The following EPC2 variants were observed in gnomAD, a reference collection of about 807,000 sequenced individuals.
EPC2 encodes the protein enhancer of polycomb homolog 2.
In EPC2, 14 loss-of-function variants were observed where a neutral mutation model predicts 92.1. That is an observed-to-expected ratio of 0.15 (90% CI 0.10 to 0.24). The LOEUF is 0.24. Ranked by LOEUF, EPC2 falls within the 10% of genes least tolerant of loss-of-function variation. The pLI, the probability that EPC2 is intolerant of heterozygous loss-of-function variation, is 1.00. For missense variants in EPC2, 755 were observed against 971.5 expected (o/e 0.78, Z 2.96); for synonymous variants, 340 against 334.7 (o/e 1.02, Z -0.17).
At chr2:148,785,266 A>C (rs1683843448) in intron 13 of EPC2, among the ~76,000 whole-genome samples, 1 of 152,076 alleles carries the variant, frequency 6.6e-6, no homozygotes, top group Non-Finnish European at 1.5e-5. Flanking sequence ...AAGAAAGAAA[A>C]GGACATCCAA....
At position 148,675,814 on chromosome 2, in the gene EPC2, T is replaced by A. The variant is rs150996485; in HGVS notation, c.154-14400T>A. 2.6e-4 allele frequency among the ~76,000 whole-genome samples: 39 copies of A among 152,320 alleles called. No individual in the cohort carries two copies. In the South Asian group the frequency reaches 7.0e-3, roughly 28 times the overall value. ...CTAATAAGCTTACATTATAAGGTGG[T>A]AGAGTATATAAGTATAGGCATTCAG... On this transcript the variant is annotated intron_variant, in intron 1 of 13. Transcript: ENST00000258484.
chr2:148,679,943 G>A (rs1681361061), intron 1 of EPC2, among the ~76,000 whole-genome samples: 1 of 152,092 alleles, frequency 6.6e-6, no homozygotes, highest in African/African-American at 2.4e-5. Flanking sequence ...CACTGCGCCT[G>A]GCAAAAGTTT....
At chr2:148,699,512 A>G (rs759097388) in intron 2 of EPC2, among the ~76,000 whole-genome samples, 5 of 152,196 alleles carry the variant, frequency 3.3e-5, no homozygotes, top group Non-Finnish European at 4.4e-5. Context: ...CAGAATGTCA[A>G]ATAGTTGGAA....
chr2:148,756,425 G>A (rs1683192527), intron 4 of EPC2, among the ~76,000 whole-genome samples: 2 of 152,186 alleles, frequency 1.3e-5, no homozygotes, highest in South Asian at 4.1e-4. Flanking sequence ...GCAAGCATTG[G>A]GTTATGCAAA....
intron 1 of EPC2, among the ~76,000 whole-genome samples, chr2:148,649,891 A>T (rs1397097622): frequency 6.6e-6 from 1 of 152,260 alleles, no homozygotes; most frequent in Non-Finnish European, 1.5e-5. Flanking sequence ...TTAAATTATT[A>T]AGAAGTGTAG....
chr2:148,735,083 G>A (rs964319691), intron 2 of EPC2, among the ~76,000 whole-genome samples: 9 of 151,728 alleles, frequency 5.9e-5, no homozygotes, highest in African/African-American at 2.2e-4. Flanking sequence ...ACATGTTTTT[G>A]CTTATATGAA....
intron 2 of EPC2, among the ~76,000 whole-genome samples, chr2:148,702,609 G>T (rs973052641): frequency 6.6e-6 from 1 of 152,192 alleles, no homozygotes; most frequent in Non-Finnish European, 1.5e-5. Context: ...CTAGTCTCCT[G>T]CAGTGAGAAC....
At chr2:148,682,358 T>G (rs1681416473) in intron 1 of EPC2, among the ~76,000 whole-genome samples, 2 of 152,206 alleles carry the variant, frequency 1.3e-5, no homozygotes, top group Admixed American at 1.3e-4. Context: ...AGCATTCCTA[T>G]TTCTCCACAT....
At chr2:148,779,955 A>G (rs1274498862) in intron 10 of EPC2, among the ~76,000 whole-genome samples, 1 of 152,192 alleles carries the variant, frequency 6.6e-6, no homozygotes, top group Non-Finnish European at 1.5e-5. Flanking sequence ...TTTGTATCTA[A>G]TAAACTATTT....
At chr2:148,750,377 A>G (rs954979506) in intron 3 of EPC2, among the ~76,000 whole-genome samples, 5 of 151,858 alleles carry the variant, frequency 3.3e-5, no homozygotes, top group Admixed American at 2.0e-4. Context: ...TGATGTAGGC[A>G]TATGTCCCTT....
intron 2 of EPC2, 38 bp downstream of exon 2, chr2:148,690,411 AAATTT>A: frequency 6.6e-7 from 1 of 1,508,354 alleles, no homozygotes; most frequent in Non-Finnish European, 8.8e-7. Context: ...TTTGTACTTT[AAATTT>A]ATCAACCAGT....
At chr2:148,685,149 A>G (rs1002947119) in intron 1 of EPC2, among the ~76,000 whole-genome samples, 2 of 152,156 alleles carry the variant, frequency 1.3e-5, no homozygotes, top group Admixed American at 6.5e-5. Flanking sequence ...GGTTTTAGAC[A>G]TTTAAAATAA....
chr2:148,697,140 G>A (rs1334662018), intron 2 of EPC2, among the ~76,000 whole-genome samples: 1 of 152,212 alleles, frequency 6.6e-6, no homozygotes, highest in Non-Finnish European at 1.5e-5. Flanking sequence ...CTAGCAAGTA[G>A]TAGAGTCAGA....
intron 2 of EPC2, among the ~76,000 whole-genome samples, chr2:148,705,179 A>G (rs2105379913): frequency 6.6e-6 from 1 of 152,282 alleles, no homozygotes; most frequent in East Asian, 1.9e-4. Flanking sequence ...ATTCCTTGAT[A>G]GCACCTAATT....
chr2:148,771,453 A>C, intron 10 of EPC2, 66 bp downstream of exon 10: 1 of 1,396,912 alleles, frequency 7.2e-7, no homozygotes, highest in Non-Finnish European at 9.7e-7. Flanking sequence ...TTGGGAAAGG[A>C]ATTTTATCTT....
intron 1 of EPC2, among the ~76,000 whole-genome samples, chr2:148,675,439 G>A (rs1447898555): frequency 6.6e-6 from 1 of 152,046 alleles, no homozygotes; most frequent in Non-Finnish European, 1.5e-5. Flanking sequence ...GCTGAATCTT[G>A]TCTTCTCGTT....
Position 148,742,707 on chromosome 2 carries a change from A to G in EPC2, c.314-915A>G, listed in dbSNP as rs146548694. The stretch of plus-strand genomic sequence containing the variant: ...TGAGGTGGGAGAATTGCTTGAGCCC[A>G]GGAGACAGAGATTGCAGTGAGCAAG... On this transcript the variant is annotated intron_variant, in intron 2 of 13. Coordinates refer to ENST00000258484, the MANE Select transcript of EPC2 (RefSeq NM_015630.4). Among the ~76,000 whole-genome samples the G allele has an allele frequency of 1.6e-3, 241 of 151,750 alleles. 1 individual carries two copies. Among genetic ancestry groups the G allele is most frequent in the African/African-American group, 5.5e-3 (229 of 41,424 alleles).
intron 2 of EPC2, chr2:148,691,622 C>A: frequency 6.5e-7 from 1 of 1,549,842 alleles, no homozygotes; most frequent in African/African-American, 1.4e-5. Flanking sequence ...TTCTGCCAGG[C>A]ATTTGGGGAC....
intron 1 of EPC2, among the ~76,000 whole-genome samples, chr2:148,652,575 C>T (rs1192500341): frequency 6.6e-6 from 1 of 152,150 alleles, no homozygotes; most frequent in Non-Finnish European, 1.5e-5. Context: ...GACTGAGTGA[C>T]CTTTAAAGTA....
Sources: gnomAD v4.1 joint callset for allele counts (sites outside exome capture counted in the v4.1 genomes callset) on GRCh38, gnomAD v4.1.1 for gene constraint, MANE v1.5 for transcripts, NCBI Gene and HGNC (gene_info 2026-07-23, HGNC 2026-07-21) for gene names.